The following DOCK1 variants were observed in gnomAD, a reference collection of about 807,000 sequenced individuals.
DOCK1 encodes dedicator of cytokinesis 1.
DOCK1 carries 138 observed loss-of-function variants against 262.7 expected under a neutral mutation model. That is an observed-to-expected ratio of 0.53 (90% CI 0.46 to 0.61). The LOEUF is 0.61. Ranked by LOEUF, DOCK1 falls within the 20% of genes least tolerant of loss-of-function variation. The pLI, the probability that DOCK1 is intolerant of heterozygous loss-of-function variation, is 0.00. For synonymous variants in DOCK1, 866 were observed against 867.4 expected, an observed-to-expected ratio of 1.00 and a Z score of 0.03; for missense variants, 1,908 against 2,370.7, an observed-to-expected ratio of 0.80 and a Z score of 4.05.
intron 1 of DOCK1, among the ~76,000 whole-genome samples, chr10:126,941,217 G>T (rs925467913): frequency 0.012 from 1,754 of 152,202 alleles, 35 homozygotes; most frequent in African/African-American, 0.038. Flanking sequence ...GTTTTTATTG[G>T]TGTCTAGTGG....
chr10:127,310,236 G>T (rs12764343), intron 29 of DOCK1, among the ~76,000 whole-genome samples: 1 of 152,012 alleles, frequency 6.6e-6, no homozygotes, highest in Non-Finnish European at 1.5e-5. Flanking sequence ...CTATGAATGA[G>T]AGCCTGTTGT....
At chr10:127,257,567 CAGTTCTAGGGAG>C (rs2059871061) in intron 29 of DOCK1, 138 bp downstream of exon 29, 1 of 714,776 alleles carries the variant, frequency 1.4e-6, no homozygotes, top group East Asian at 2.8e-5. Context: ...GTGCTGCAGA[CAGTTCTAGGGAG>C]ACAGGGACTC....
chr10:126,990,631 G>A (rs199534710), intron 6 of DOCK1, 28 bp downstream of exon 6: 290 of 1,609,148 alleles, frequency 1.8e-4, no homozygotes, highest in African/African-American at 2.7e-4. Context: ...ATGATTTTAC[G>A]CTTAAATTAT....
intron 29 of DOCK1, among the ~76,000 whole-genome samples, chr10:127,330,575 C>T (rs936892272): frequency 6.6e-6 from 1 of 152,154 alleles, no homozygotes; most frequent in Non-Finnish European, 1.5e-5. Context: ...GGCAATTCCA[C>T]TTCTGGGTAT....
intron 38 of DOCK1, 146 bp downstream of exon 38, chr10:127,385,055 C>T: frequency 9.4e-7 from 1 of 1,063,026 alleles, no homozygotes; most frequent in Non-Finnish European, 1.2e-6. Context: ...CATGTTCCTT[C>T]AGCTTGCACT....
chr10:127,246,057 C>T (rs137883410), intron 27 of DOCK1, among the ~76,000 whole-genome samples: 182 of 152,340 alleles, frequency 1.2e-3, no homozygotes, highest in African/African-American at 4.2e-3. Flanking sequence ...TTCGAAGCCT[C>T]TTCTTCCTCA....
At chr10:127,353,265 C>CA (rs1479193672) in intron 31 of DOCK1, among the ~76,000 whole-genome samples, 5 of 152,290 alleles carry the variant, frequency 3.3e-5, no homozygotes, top group African/African-American at 1.2e-4. Context: ...ACCCTGCAGC[C>CA]AACTGCATCC....
chr10:127,282,018 C>T (rs543569287), intron 29 of DOCK1, among the ~76,000 whole-genome samples: 1 of 152,258 alleles, frequency 6.6e-6, no homozygotes, highest in South Asian at 2.1e-4. Context: ...AGCTGGTAAA[C>T]TAATAAAAAG....
At chr10:127,244,950 A>C (rs553973565) in intron 27 of DOCK1, among the ~76,000 whole-genome samples, 1 of 152,314 alleles carries the variant, frequency 6.6e-6, no homozygotes, top group South Asian at 2.1e-4. Context: ...ACAGAATAGT[A>C]ATTTTCTTCT....
At position 127,175,137 on chromosome 10, in the gene DOCK1, TG is replaced by T; in HGVS notation, c.2847+47376del. ...GCTGGCTTTAGTCTCATTACAGACT[TG>T]GGTTTGGGGCTACAGATGGACTCTG... is the stretch of plus-strand genomic sequence containing the variant. On this transcript the variant is annotated intron_variant, in intron 27 of 51. Coordinates refer to ENST00000623213, the MANE Select transcript of DOCK1 (RefSeq NM_001290223.2). This position sits in a 1 kb window ranked among gnomAD's most constrained non-coding sequence, Gnocchi z 6.3. The T allele has an allele frequency of 7.8e-7, 1 of 1,286,512 alleles. No homozygotes were observed. The highest frequency in any genetic ancestry group is 1.1e-6 in the Non-Finnish European group (1 of 913,628). The allele number at this position is 1,286,512 out of a possible 1,614,324, so 79.7% of individuals were successfully genotyped here.
At chr10:127,363,088 T>C (rs72841513) in intron 33 of DOCK1, among the ~76,000 whole-genome samples, 8,533 of 72,616 alleles carry the variant, frequency 0.12, 396 homozygotes, top group Admixed American at 0.15. Context: ...TGTGCACACA[T>C]ACACACACAT....
chr10:127,183,018 A>G (rs993745993), intron 27 of DOCK1, among the ~76,000 whole-genome samples: 3 of 150,722 alleles, frequency 2.0e-5, no homozygotes, highest in Non-Finnish European at 2.9e-5. Context: ...AAACACAAAG[A>G]TACATACTAG....
chr10:127,055,317 G>A (rs568563079), intron 22 of DOCK1, among the ~76,000 whole-genome samples: 10 of 152,276 alleles, frequency 6.6e-5, no homozygotes, highest in African/African-American at 2.4e-4. Context: ...TCCTAAGATG[G>A]CTTCTGCCCC....
At chr10:126,954,598 C>G in intron 1 of DOCK1, among the ~76,000 whole-genome samples, 1 of 152,172 alleles carries the variant, frequency 6.6e-6, no homozygotes, top group East Asian at 1.9e-4. Flanking sequence ...ATTCCCTCCT[C>G]CTCCCAGCCC....
chr10:127,322,187 CTTTTT>C (rs201505491), intron 29 of DOCK1, among the ~76,000 whole-genome samples: 111 of 146,094 alleles, frequency 7.6e-4, no homozygotes, highest in Admixed American at 1.9e-3. Flanking sequence ...TATAATTTCC[CTTTTT>C]TTTTTTTTTT....
chr10:127,332,540 C>A (rs80327785), intron 29 of DOCK1, among the ~76,000 whole-genome samples: 6,702 of 152,180 alleles, frequency 0.044, 175 homozygotes, highest in African/African-American at 0.07. Context: ...GACTCCAGAG[C>A]CCCACATCCC....
chr10:126,941,532 G>GGATCACGA (rs2034984222), intron 1 of DOCK1, among the ~76,000 whole-genome samples: 1 of 152,170 alleles, frequency 6.6e-6, no homozygotes, highest in African/African-American at 2.4e-5. Context: ...CAAGGCGGGC[G>GGATCACGA]GATCACGAGG....
At chr10:127,224,491 G>A (rs560466789) in intron 27 of DOCK1, among the ~76,000 whole-genome samples, 2 of 152,004 alleles carry the variant, frequency 1.3e-5, no homozygotes, top group Non-Finnish European at 1.5e-5. Context: ...GAACCTGGGA[G>A]GAGGTTGCAG....
At chr10:127,060,612 A>G (rs1362111522) in intron 22 of DOCK1, among the ~76,000 whole-genome samples, 2 of 152,244 alleles carry the variant, frequency 1.3e-5, no homozygotes, top group Non-Finnish European at 2.9e-5. Context: ...TTAAAATGCA[A>G]ATGTGTTGCT....
Sources: gnomAD v4.1 joint callset for allele counts (sites outside exome capture counted in the v4.1 genomes callset) on GRCh38, gnomAD v4.1.1 for gene constraint, Gnocchi (gnomAD v3.1) non-coding constraint, MANE v1.5 for transcripts, NCBI Gene and HGNC (gene_info 2026-07-23, HGNC 2026-07-21) for gene names.